The following PTPN11 variants were observed in gnomAD, a reference collection of about 807,000 sequenced individuals.
PTPN11 encodes tyrosine-protein phosphatase non-receptor type 11.
In PTPN11, 6 loss-of-function variants were observed where a neutral mutation model predicts 78.8. The ratio of observed to expected loss-of-function variants is 0.08; its 90% CI spans 0.04 to 0.15. The LOEUF (loss-of-function observed/expected upper bound fraction) is 0.15. PTPN11 is among the 10% of genes least tolerant of loss of function. PTPN11 has a pLI of 1.00. For missense variants in PTPN11, 386 were observed against 744.8 expected (o/e 0.52, Z 5.61); for synonymous variants, 221 against 263.5 (o/e 0.84, Z 1.56).
intron 14 of PTPN11, among the ~76,000 whole-genome samples, chr12:112,503,712 C>A (rs566227016): frequency 6.6e-6 from 1 of 152,214 alleles, no homozygotes; most frequent in Non-Finnish European, 1.5e-5. Flanking sequence ...TCATGATTCC[C>A]TCAGTACCAG....
At chr12:112,479,839 A>G (rs899741186) in intron 9 of PTPN11, among the ~76,000 whole-genome samples, 20 of 151,936 alleles carry the variant, frequency 1.3e-4, no homozygotes, top group African/African-American at 4.8e-4. Context: ...ACTCTGCCCC[A>G]CCCCTCACCA....
intron 7 of PTPN11, among the ~76,000 whole-genome samples, chr12:112,473,568 C>T (rs1041987374): frequency 2.6e-5 from 4 of 151,996 alleles, no homozygotes; most frequent in South Asian, 2.1e-4. Context: ...CTTTGTGGGC[C>T]GGGCGCAGTG....
intron 7 of PTPN11, among the ~76,000 whole-genome samples, chr12:112,476,880 C>G (rs550825908): frequency 1.9e-4 from 29 of 152,310 alleles, no homozygotes; most frequent in African/African-American, 5.1e-4. Context: ...CATCACCCAG[C>G]TTCAACAATT....
intron 13 of PTPN11, among the ~76,000 whole-genome samples, chr12:112,495,731 G>A (rs7313360): frequency 0.21 from 32,015 of 152,122 alleles, 5,479 homozygotes; most frequent in East Asian, 0.85. Context: ...AGCCTGCCTT[G>A]AACGTATTCA....
chr12:112,494,186 G>A (rs1416249798), intron 13 of PTPN11, among the ~76,000 whole-genome samples: 9 of 152,130 alleles, frequency 5.9e-5, no homozygotes, highest in East Asian at 3.9e-4. Context: ...CCCGGGAGGC[G>A]GAGGTTGCAG....
At chr12:112,468,465 C>T (rs2038363652) in intron 6 of PTPN11, among the ~76,000 whole-genome samples, 1 of 152,174 alleles carries the variant, frequency 6.6e-6, no homozygotes, top group African/African-American at 2.4e-5. Context: ...TTCAGTCTCA[C>T]TCTAGATGGA....
intron 3 of PTPN11, among the ~76,000 whole-genome samples, chr12:112,452,349 C>T (rs2038090686): frequency 6.6e-6 from 1 of 152,064 alleles, no homozygotes; most frequent in Non-Finnish European, 1.5e-5. Flanking sequence ...GCCTCAGCCT[C>T]CTGAGTAGCT....
chr12:112,473,397 T>C (rs2038449684), intron 7 of PTPN11, among the ~76,000 whole-genome samples: 1 of 152,196 alleles, frequency 6.6e-6, no homozygotes, highest in African/African-American at 2.4e-5. Context: ...TCACTGGGCC[T>C]GTGAGTCCTG....
chr12:112,461,194 A>G (rs1277207911), intron 6 of PTPN11, among the ~76,000 whole-genome samples: 2 of 152,188 alleles, frequency 1.3e-5, no homozygotes, highest in Non-Finnish European at 2.9e-5. Flanking sequence ...ACTTAGATCC[A>G]TTAATTCATA....
At chr12:112,467,363 C>G (rs1260415731) in intron 6 of PTPN11, among the ~76,000 whole-genome samples, 4 of 152,122 alleles carry the variant, frequency 2.6e-5, no homozygotes, top group African/African-American at 9.7e-5. Flanking sequence ...GAAGGCTGTA[C>G]AAGCATGGCT....
intron 7 of PTPN11, among the ~76,000 whole-genome samples, chr12:112,477,295 G>GTGTGAGCCA (rs1299584533): frequency 6.6e-6 from 1 of 152,106 alleles, no homozygotes; most frequent in Non-Finnish European, 1.5e-5. Flanking sequence ...GAAATTATAG[G>GTGTGAGCCA]CCACTGCGCC....
At chr12:112,454,944 T>C (rs942091811) in intron 5 of PTPN11, 4 of 479,582 alleles carry the variant, frequency 8.3e-6, no homozygotes, top group Non-Finnish European at 1.5e-5. Context: ...CTCAGCCTCC[T>C]GAGTAGCTGG....
intron 1 of PTPN11, among the ~76,000 whole-genome samples, chr12:112,437,301 G>T (rs1339637688): frequency 6.6e-6 from 1 of 151,968 alleles, no homozygotes; most frequent in Non-Finnish European, 1.5e-5. Flanking sequence ...GGGATTACAG[G>T]CACCTGCCAC....
chr12:112,418,993 C>T lies in PTPN11; in HGVS notation c.-119C>T. ...TGGAGGGGGGTCTGTGCGCGGCCGG[C>T]TGGCTCTGCCCCGCGTCCGGTCCCG... On this transcript the variant is annotated 5_prime_UTR_variant, in exon 1 of 16. Coordinates refer to ENST00000351677, the MANE Select transcript of PTPN11 (RefSeq NM_002834.5). 3.0e-6 allele frequency: 4 copies of T among 1,328,254 alleles called. No individual in the cohort carries two copies. Among genetic ancestry groups the T allele is most frequent in the Admixed American group, 2.0e-5 (1 of 49,720 alleles). 82.3% of individuals were successfully genotyped at this position (1,328,254 alleles called of 1,614,324 possible).
At chr12:112,474,908 G>A (rs1356017403) in intron 7 of PTPN11, among the ~76,000 whole-genome samples, 1 of 151,072 alleles carries the variant, frequency 6.6e-6, no homozygotes, top group Non-Finnish European at 1.5e-5. Context: ...TGGGATTACA[G>A]GTGTGAACCA....
At chr12:112,457,183 T>G (rs1592832439) in intron 6 of PTPN11, 2 of 350,192 alleles carry the variant, frequency 5.7e-6, no homozygotes, top group South Asian at 4.2e-5. Context: ...GTGAGGCAGG[T>G]GGACCACTTG....
chr12:112,437,688 T>G (rs1648787010), intron 1 of PTPN11, among the ~76,000 whole-genome samples: 2 of 152,220 alleles, frequency 1.3e-5, no homozygotes, highest in South Asian at 4.1e-4. Flanking sequence ...CCTTTCTTTT[T>G]AGTACTCAGG....
rs397507504 is a variant in PTPN11, at chr12:112,450,346, A to G, written c.166A>G (p.Ile56Val). ...RRNGAVTHIK[I>V]QNTGDYYDLY... is the part of the protein sequence containing the mutation. ...AAATGGAGCTGTCACCCACATCAAG[A>G]TTCAGAACACTGGTGATTACTATGA... Residue 56 changes from isoleucine (I) to valine (V), a missense_variant, in exon 3 of 16, where the codon ATT becomes GTT. Physicochemically the swap from Ile to Val is conservative, Grantham distance 29 (BLOSUM62 3). Coordinates refer to ENST00000351677, the MANE Select transcript of PTPN11 (RefSeq NM_002834.5). 1.2e-6 allele frequency: 2 copies of G among 1,612,984 alleles called. No homozygotes were observed. Among genetic ancestry groups the G allele is most frequent in the African/African-American group, 1.3e-5 (1 of 75,020 alleles).
chr12:112,445,580 CA>C lies in PTPN11; in HGVS notation c.15-695del, dbSNP rs1258967278. Among the ~76,000 whole-genome samples, 4 of 152,122 alleles carry C rather than the reference CA, an allele frequency of 2.6e-5. No homozygotes were observed. The East Asian group carries it at 7.7e-4, about 29-fold the overall frequency. On this transcript the variant is annotated intron_variant, in intron 1 of 15. Transcript: ENST00000351677. ...CCTTCTCATATTTGTGTCTCCCCAA[CA>C]GTGAGAAACCTGGCTTGCTATCCTC...
Sources: allele counts gnomAD v4.1 joint callset (sites outside exome capture counted in the v4.1 genomes callset), GRCh38; gene constraint gnomAD v4.1.1; transcripts MANE v1.5; gene names NCBI Gene and HGNC (gene_info 2026-07-23, HGNC 2026-07-21).